The following TTC34 variants were observed in gnomAD, a reference collection of about 807,000 sequenced individuals.
TTC34 encodes tetratricopeptide repeat protein 34.
In TTC34, 44 loss-of-function variants were observed where a neutral mutation model predicts 40.7. The ratio of observed to expected loss-of-function variants is 1.08; its 90% CI spans 0.85 to 1.39. TTC34 has a LOEUF of 1.39. Among genes scored for constraint, TTC34 ranks in the 40% most tolerant of loss-of-function variants. The pLI is 0.00. For synonymous variants in TTC34, 422 were observed against 398.6 expected, an observed-to-expected ratio of 1.06 and a Z score of -0.70; for missense variants, 884 against 838.0, an observed-to-expected ratio of 1.05 and a Z score of -0.68.
rs988320704 is a variant in TTC34, at chr1:2,645,521, C to T, written c.2269G>A (p.Gly757Arg). The stretch of plus-strand genomic sequence containing the variant: ...GAGCGGAGCTCAGGGACCACAGTCC[C>T]GGGGCCGAGCTTCAGAGCAGAGACG... The change falls in exon 7 of 9, where the codon GGG (glycine) becomes AGG (arginine). Residue 757 changes from glycine to arginine, a missense_variant. Coordinates refer to ENST00000401095, the Ensembl canonical transcript of TTC34. The surrounding 1 kb of genome is among the most constrained non-coding windows in gnomAD (Gnocchi z 4.7). 3.3e-5 allele frequency: 39 copies of T among 1,192,162 alleles called. No homozygotes were observed. The highest frequency in any genetic ancestry group is 3.2e-4 in the Middle Eastern group (1 of 3,158). 73.8% of individuals were successfully genotyped at this position (1,192,162 alleles called of 1,614,324 possible). A position where few individuals can be genotyped will look rare whatever the true frequency, so the allele number is the denominator to read the frequency against.
At position 2,789,394 on chromosome 1, in the gene TTC34, C is replaced by G. The variant is rs954462726; in HGVS notation, c.1628+109G>C. ...CTCGGGTGCTTTGGGAAGTCACCAGCCACTGCCTCCGTTCATTCCTTTGTA... is the reference window on the plus strand; with the variant it reads ...CTCGGGTGCTTTGGGAAGTCACCAGGCACTGCCTCCGTTCATTCCTTTGTA... On this transcript the variant is annotated intron_variant, in intron 3 of 8. Coordinates refer to ENST00000401095, the Ensembl canonical transcript of TTC34. 2.6e-5 allele frequency: 29 copies of G among 1,129,856 alleles called. No individual in the cohort carries two copies. In the African/African-American group the frequency reaches 2.9e-4, roughly 11 times the overall value. The allele number at this position is 1,129,856 out of a possible 1,614,324, so 70.0% of individuals were successfully genotyped here. A position where few individuals can be genotyped will look rare whatever the true frequency, so the allele number is the denominator to read the frequency against.
At chr1:2,752,461 C>T (rs1286253005) in intron 6 of TTC34, among the ~76,000 whole-genome samples, 2,397 of 128,928 alleles carry the variant, frequency 0.019, 114 homozygotes, top group Admixed American at 0.028. Flanking sequence ...CCCCCAGGTG[C>T]GCACGTGACA....
Position 2,787,551 on chromosome 1 carries a change from TG to T in TTC34, c.1783del (p.Gln595ArgfsTer14). 6.5e-7 allele frequency: 1 copy of T among 1,542,246 alleles called. No individual in the cohort carries two copies. Among genetic ancestry groups the T allele is most frequent in the Non-Finnish European group, 8.8e-7 (1 of 1,141,114 alleles). On this transcript the variant is annotated frameshift_variant, in exon 4 of 9. Coordinates refer to ENST00000401095, the Ensembl canonical transcript of TTC34. LOFTEE classifies it high-confidence loss of function. ...CAGTCGTGCCAGCACAGGGGCTGCC[TG>T]GGGCCTCCGGGATAGGGCCACCAGC...
chr1:2,759,860 G>A (rs1641635852), intron 6 of TTC34, among the ~76,000 whole-genome samples: 5 of 110,640 alleles, frequency 4.5e-5, no homozygotes, highest in South Asian at 2.9e-4. Flanking sequence ...GCATCTGACA[G>A]CCTGGAGTAG....
intron 6 of TTC34, among the ~76,000 whole-genome samples, chr1:2,768,546 G>A (rs1266931380): frequency 8.6e-5 from 13 of 151,960 alleles, no homozygotes; most frequent in Non-Finnish European, 1.5e-5. Context: ...ACAACTGCAG[G>A]TGAGCATCTG....
intron 1 of TTC34, among the ~76,000 whole-genome samples, chr1:2,801,349 G>C (rs1456466151): frequency 1.6e-4 from 24 of 152,016 alleles, no homozygotes; most frequent in African/African-American, 2.4e-5. Context: ...GCCATTCGAG[G>C]GGGGCGCCGA....
At chr1:2,775,501 A>T (rs1643056854) in intron 6 of TTC34, 1 of 148,090 alleles carries the variant, frequency 6.8e-6, no homozygotes, top group Non-Finnish European at 1.5e-5. Context: ...AGCCTGAAAC[A>T]GCACCCTCCA....
At chr1:2,748,465 G>C in intron 6 of TTC34, among the ~76,000 whole-genome samples, 1 of 151,636 alleles carries the variant, frequency 6.6e-6, no homozygotes, top group South Asian at 2.1e-4. Context: ...TGACAGCCTG[G>C]AAGAGCACCC....
intron 6 of TTC34, among the ~76,000 whole-genome samples, chr1:2,778,628 G>A (rs1157886703): frequency 6.6e-6 from 1 of 152,228 alleles, no homozygotes; most frequent in African/African-American, 2.4e-5. Context: ...TCTGTGGGGG[G>A]AGACAGGCAG....
intron 6 of TTC34, among the ~76,000 whole-genome samples, chr1:2,646,126 C>T (rs1231746367): frequency 6.6e-6 from 1 of 152,204 alleles, no homozygotes; most frequent in Admixed American, 6.5e-5. Context: ...AATACCGCGC[C>T]TGGCCCTAAC....
At chr1:2,786,274 G>A (rs1265908217) in intron 4 of TTC34, among the ~76,000 whole-genome samples, 2 of 152,172 alleles carry the variant, frequency 1.3e-5, no homozygotes, top group Admixed American at 6.5e-5. Flanking sequence ...CTACTGCCTC[G>A]CTGCCTCCAC....
At chr1:2,789,671 G>C (rs539053826) in exon 3 of TTC34, 1 of 1,292,372 alleles carries the variant, frequency 7.7e-7, no homozygotes, top group South Asian at 1.9e-5. Context: ...GGCCAGCAGC[G>C]CCTCCTCGGG....
intron 6 of TTC34, among the ~76,000 whole-genome samples, chr1:2,768,329 C>T (rs559706034): frequency 4.6e-5 from 7 of 152,212 alleles, no homozygotes; most frequent in South Asian, 2.1e-4. Flanking sequence ...GGGTGGTGTT[C>T]CGGGTTATCA....
At chr1:2,641,793 G>A in exon 9 of TTC34, 1 of 1,535,118 alleles carries the variant, frequency 6.5e-7, no homozygotes, top group Non-Finnish European at 8.7e-7. Flanking sequence ...AGACGCAGGT[G>A]ACAGGCACTG....
intron 6 of TTC34, among the ~76,000 whole-genome samples, chr1:2,760,530 G>T (rs1354757356): frequency 8.2e-5 from 4 of 48,874 alleles, no homozygotes; most frequent in African/African-American, 6.0e-4. Context: ...CACACCCCCA[G>T]GTGAGCATCT....
chr1:2,792,615 G>C (rs1208877534), intron 2 of TTC34, among the ~76,000 whole-genome samples: 1 of 152,178 alleles, frequency 6.6e-6, no homozygotes, highest in African/African-American at 2.4e-5. Context: ...TCTCCATTTA[G>C]CTTTTGCAGC....
At chr1:2,781,265 G>A (rs910714098) in intron 6 of TTC34, among the ~76,000 whole-genome samples, 5 of 152,162 alleles carry the variant, frequency 3.3e-5, no homozygotes, top group Non-Finnish European at 7.3e-5. Flanking sequence ...GTATCTGAGG[G>A]TTGTCCTGGA....
chr1:2,697,789 TGGAACAGCACCC>T (rs1640938281), intron 6 of TTC34, among the ~76,000 whole-genome samples: 1 of 131,398 alleles, frequency 7.6e-6, no homozygotes, highest in African/African-American at 2.9e-5. Flanking sequence ...TCTGACAGCC[TGGAACAGCACCC>T]TGCACCCCCG....
chr1:2,683,898 G>C (rs1219296568), intron 6 of TTC34, among the ~76,000 whole-genome samples: 1 of 149,024 alleles, frequency 6.7e-6, no homozygotes, highest in East Asian at 2.0e-4. Context: ...CTGACAGCCT[G>C]GGTCGGCACC....
Sources: allele counts gnomAD v4.1 joint callset (sites outside exome capture counted in the v4.1 genomes callset), GRCh38; gene constraint gnomAD v4.1.1; non-coding constraint Gnocchi (gnomAD v3.1); transcripts MANE v1.5; gene names NCBI Gene and HGNC (gene_info 2026-07-23, HGNC 2026-07-21).